Variants in SLC51B observed in about 807,000 individuals in gnomAD.
SLC51B encodes organic solute transporter subunit beta.
Under a neutral mutation model 8.0 loss-of-function variants are expected in SLC51B, and 6 were observed. The ratio of observed to expected loss-of-function variants is 0.75; its 90% confidence interval spans 0.41 to 1.48. The LOEUF (loss-of-function observed/expected upper bound fraction) is 1.48. SLC51B is among the 40% of genes most tolerant of loss of function. The probability of loss-of-function intolerance (pLI) is 0.01; values close to 1 mark genes in which losing one functional copy is unlikely to be tolerated. For missense variants in SLC51B, 150 were observed against 149.7 expected (o/e 1.00, Z -0.01); for synonymous variants, 61 against 54.8 (o/e 1.11, Z -0.50).
intron 2 of SLC51B, among the ~76,000 whole-genome samples, chr15:65,051,313 T>G (rs545188795): frequency 1.2e-4 from 19 of 152,328 alleles, no homozygotes; most frequent in African/African-American, 4.6e-4. Context: ...GATTAGGGCT[T>G]CTCCAGAGTA....
In SLC51B at chr15:65,053,278, CTTTCTTTCTTTTT is replaced by C. The variant is rs2086680152; in HGVS notation, c.*118_*130del. 1 of 1,429,570 alleles carries C rather than the reference CTTTCTTTCTTTTT, an allele frequency of 7.0e-7. No individual in the cohort carries two copies. The highest frequency in any genetic ancestry group is 9.1e-7 in the Non-Finnish European group (1 of 1,094,674). The allele number at this position is 1,429,570 out of a possible 1,614,324, so 88.6% of individuals were successfully genotyped here. A position where few individuals can be genotyped will look rare whatever the true frequency, so the allele number is the denominator to read the frequency against. On this transcript the variant is annotated 3_prime_UTR_variant, in exon 4 of 4. Transcript: ENST00000334287. ...CCCAAGAAGCCGCTTTTTTCTTTTTCTTTCTTTCTTTTTTTTTTTCTTAGCAGATACAATGAAT... is the reference window on the plus strand; with the variant it reads ...CCCAAGAAGCCGCTTTTTTCTTTTTCTTTTTTCTTAGCAGATACAATGAAT...
intron 1 of SLC51B, among the ~76,000 whole-genome samples, chr15:65,048,626 AT>A (rs2086606697): frequency 6.6e-6 from 1 of 152,178 alleles, no homozygotes. Flanking sequence ...CTCTTGTTTT[AT>A]TTTAGTTACG....
In SLC51B at chr15:65,053,233, T is replaced by C. The variant is rs1177595106; in HGVS notation, c.*69T>C. 6.4e-7 allele frequency: 1 copy of C among 1,560,264 alleles called. No homozygotes were observed. The highest frequency in any genetic ancestry group is 2.3e-5 in the East Asian group (1 of 44,212). ...GGGCTCAGCTCAGTGGCCTGAAACCTCTCAGGTTTTAGAGTCTCTCCCAAG... is the reference window on the plus strand; with the variant it reads ...GGGCTCAGCTCAGTGGCCTGAAACCCCTCAGGTTTTAGAGTCTCTCCCAAG... On this transcript the variant is annotated 3_prime_UTR_variant, in exon 4 of 4. Coordinates refer to ENST00000334287, the MANE Select transcript of SLC51B (RefSeq NM_178859.4).
At chr15:65,052,503 T>A (rs2086666832) in intron 3 of SLC51B, among the ~76,000 whole-genome samples, 1 of 148,216 alleles carries the variant, frequency 6.7e-6, no homozygotes, top group Admixed American at 7.0e-5. Flanking sequence ...CAGGTTCAAG[T>A]GATTCTCCTG....
chr15:65,050,302 T>C (rs2086632980), intron 2 of SLC51B, among the ~76,000 whole-genome samples: 1 of 152,204 alleles, frequency 6.6e-6, no homozygotes, highest in African/African-American at 2.4e-5. Flanking sequence ...TGGTCGCTTA[T>C]TTATGCAGCC....
Position 65,053,257 on chromosome 15 carries a change from A to T in SLC51B, c.*93A>T. On this transcript the variant is annotated 3_prime_UTR_variant, in exon 4 of 4. Coordinates refer to ENST00000334287, the MANE Select transcript of SLC51B (RefSeq NM_178859.4). ...CTCTCAGGTTTTAGAGTCTCTCCCAAGAAGCCGCTTTTTTCTTTTTCTTTC... is the reference window on the plus strand; with the variant it reads ...CTCTCAGGTTTTAGAGTCTCTCCCATGAAGCCGCTTTTTTCTTTTTCTTTC... 6.7e-7 allele frequency: 1 copy of T among 1,501,486 alleles called. No individual in the cohort carries two copies. The highest frequency in any genetic ancestry group is 1.3e-5 in the South Asian group (1 of 75,930). 93.0% of individuals were successfully genotyped at this position (1,501,486 alleles called of 1,614,324 possible).
rs1322532832 is a variant in SLC51B at position 65,050,103 on chromosome 15, T to C, written c.97+2T>C. 6.4e-7 allele frequency: 1 copy of C among 1,551,126 alleles called. No individual in the cohort carries two copies. Among genetic ancestry groups the C allele is most frequent in the South Asian group, 1.2e-5 (1 of 84,006 alleles). ...TTTGGTTTTTTCGTGTGGAAGATGG[T>C]AAGTGGTGAGAGATTGACGGCAGGG... On this transcript the variant is annotated splice_donor_variant, in intron 2 of 3. Coordinates refer to ENST00000334287, the MANE Select transcript of SLC51B (RefSeq NM_178859.4). LOFTEE classifies it high-confidence loss of function.
chr15:65,051,710 A>C, intron 3 of SLC51B, 105 bp downstream of exon 3: 1 of 971,656 alleles, frequency 1.0e-6, no homozygotes, highest in South Asian at 1.4e-5. Context: ...ATTGCTGTCC[A>C]CCCTTTGGGA....
chr15:65,050,205 T>C (rs920242787), intron 2 of SLC51B, 104 bp downstream of exon 2: 2 of 889,470 alleles, frequency 2.2e-6, no homozygotes, highest in African/African-American at 1.7e-5. Flanking sequence ...GGTCAGGCGG[T>C]ACATTTCCTC....
intron 1 of SLC51B, among the ~76,000 whole-genome samples, chr15:65,046,016 T>C (rs1271811324): frequency 6.6e-6 from 1 of 151,724 alleles, no homozygotes; most frequent in Non-Finnish European, 1.5e-5. Flanking sequence ...AAATACAAAA[T>C]TGGCCGGGTG....
rs772516037 is a variant in SLC51B at position 65,051,802 on chromosome 15, G to A, written c.188+197G>A. On this transcript the variant is annotated intron_variant, in intron 3 of 3. Coordinates refer to ENST00000334287, the MANE Select transcript of SLC51B (RefSeq NM_178859.4). ...AACAAACAAACAAAAAACAGCAACA[G>A]TCCCTGATTACCACCCCCTGGCCCT... Among the ~76,000 whole-genome samples, 1,333 of 150,862 alleles carry A rather than the reference G, an allele frequency of 8.8e-3. 12 individuals are homozygous for A. Among genetic ancestry groups the A allele is most frequent in the Middle Eastern group, 0.027 (8 of 292 alleles).
intron 2 of SLC51B, 132 bp from the exon 3 acceptor site, chr15:65,051,383 T>G (rs1481963340): frequency 2.2e-5 from 17 of 787,626 alleles, no homozygotes; most frequent in Non-Finnish European, 3.6e-5. Flanking sequence ...AAGGGGCCCA[T>G]CTTTGATTAG....
At chr15:65,047,441 G>A (rs2086590324) in intron 1 of SLC51B, among the ~76,000 whole-genome samples, 1 of 151,888 alleles carries the variant, frequency 6.6e-6, no homozygotes, top group South Asian at 2.1e-4. Flanking sequence ...CAGTGTATAC[G>A]CATAAGAAAC....
In SLC51B at chr15:65,049,925, C is replaced by A; in HGVS notation, c.-80C>A. On this transcript the variant is annotated 5_prime_UTR_variant, in exon 2 of 4. Transcript: ENST00000334287. Reference sequence around the variant, plus strand: ...TCTTCACGGCTTCTCTGCCCAGGGGCCAGAACCGAGGAGGCCAGGAGGGCT... The same window carrying A: ...TCTTCACGGCTTCTCTGCCCAGGGGACAGAACCGAGGAGGCCAGGAGGGCT... 1 of 1,109,480 alleles carries A rather than the reference C, an allele frequency of 9.0e-7. No individual in the cohort carries two copies. Among genetic ancestry groups the A allele is most frequent in the Admixed American group, 2.4e-5 (1 of 41,240 alleles). 68.7% of individuals were successfully genotyped at this position (1,109,480 alleles called of 1,614,324 possible).
At chr15:65,050,830 C>CTTTTTTTTTTTTTTTTT (rs1206139825) in intron 2 of SLC51B, among the ~76,000 whole-genome samples, 3 of 48,538 alleles carry the variant, frequency 6.2e-5, no homozygotes, top group Admixed American at 2.4e-4. Flanking sequence ...CTTTCTTCTT[C>CTTTTTTTTTTTTTTTTT]TTCTTCTTTT....
intron 2 of SLC51B, 133 bp from the exon 3 acceptor site, chr15:65,051,382 A>G: frequency 2.6e-6 from 2 of 780,756 alleles, no homozygotes; most frequent in Non-Finnish European, 2.2e-6. Context: ...CAAGGGGCCC[A>G]TCTTTGATTA....
chr15:65,046,515 A>T (rs550233222), intron 1 of SLC51B, among the ~76,000 whole-genome samples: 1 of 152,162 alleles, frequency 6.6e-6, no homozygotes, highest in African/African-American at 2.4e-5. Flanking sequence ...GGCATCTAAC[A>T]TAGCTGAGGA....
rs1314226965 is a variant in SLC51B, at chr15:65,051,508, T to TC, written c.98-3dup. ...CTCAGGGCTCTGTCCTGTGTGTCCTTCCCCAGCATCTCCCTGGAATCATTC... is the reference window on the plus strand; with the variant it reads ...CTCAGGGCTCTGTCCTGTGTGTCCTTCCCCCAGCATCTCCCTGGAATCATTC... On this transcript the variant is annotated splice_polypyrimidine_tract_variant and splice_region_variant and intron_variant, in intron 2 of 3. Transcript: ENST00000334287. The TC allele has an allele frequency of 6.2e-7, 1 of 1,613,086 alleles. No individual in the cohort carries two copies. Among genetic ancestry groups the TC allele is most frequent in the East Asian group, 2.2e-5 (1 of 44,856 alleles).
chr15:65,051,709 C>T (rs2086655530), intron 3 of SLC51B, 104 bp downstream of exon 3: 5 of 1,048,786 alleles, frequency 4.8e-6, no homozygotes, highest in Non-Finnish European at 7.2e-6. Flanking sequence ...CATTGCTGTC[C>T]ACCCTTTGGG....
Sources: gnomAD v4.1 joint callset for allele counts (sites outside exome capture counted in the v4.1 genomes callset) on GRCh38, gnomAD v4.1.1 for gene constraint, MANE v1.5 for transcripts, NCBI Gene and HGNC (gene_info 2026-07-23, HGNC 2026-07-21) for gene names.